CLTCL1: variants seen among roughly 807,000 people sequenced by gnomAD.
CLTCL1 encodes clathrin heavy chain 2.
CLTCL1 carries 159 observed loss-of-function variants against 190.0 expected under a neutral mutation model. The observed-to-expected ratio is 0.84, with a 90% confidence interval of 0.74 to 0.95. The LOEUF is 0.95. Ranked by LOEUF, CLTCL1 falls within the 40% of genes least tolerant of loss-of-function variation. The pLI is 0.00. For synonymous variants in CLTCL1, 752 were observed against 769.6 expected (o/e 0.98, Z 0.38); for missense variants, 1,878 against 2,033.4 (o/e 0.92, Z 1.47).
At chr22:19,252,227 A>T (rs1023018050) in intron 3 of CLTCL1, among the ~76,000 whole-genome samples, 2 of 152,064 alleles carry the variant, frequency 1.3e-5, no homozygotes, top group African/African-American at 4.8e-5. Context: ...GCATTTTTTC[A>T]ATTCCACTAT....
chr22:19,269,756 G>A (rs183030528), intron 2 of CLTCL1, among the ~76,000 whole-genome samples: 14 of 152,184 alleles, frequency 9.2e-5, no homozygotes, highest in Admixed American at 8.5e-4. Flanking sequence ...ACAGCGAGGG[G>A]AACAACACAC....
At chr22:19,193,253 G>A (rs567473432) in intron 26 of CLTCL1, among the ~76,000 whole-genome samples, 2 of 152,316 alleles carry the variant, frequency 1.3e-5, no homozygotes, top group East Asian at 3.9e-4. Flanking sequence ...CCTTTCAACA[G>A]GTCCATGCAG....
Position 19,289,461 on chromosome 22 carries a change from AGGG to A in CLTCL1, c.42+2136_42+2138del, listed in dbSNP as rs576529000. Among the ~76,000 whole-genome samples the A allele has an allele frequency of 2.2e-3, 340 of 152,332 alleles. 1 individual carries two copies. The highest frequency in any genetic ancestry group is 7.6e-3 in the African/African-American group (314 of 41,586). On this transcript the variant is annotated intron_variant, in intron 1 of 32. Coordinates refer to ENST00000427926, the MANE Select transcript of CLTCL1 (RefSeq NM_007098.4). ...TTGTAACCTTGGCAAAAACAGATTC[AGGG>A]GAAAAAATGGGGACAAAAGCCAGAC...
intron 27 of CLTCL1, among the ~76,000 whole-genome samples, chr22:19,189,441 C>G (rs1391284836): frequency 6.6e-6 from 1 of 152,250 alleles, no homozygotes; most frequent in Non-Finnish European, 1.5e-5. Context: ...ATGCACTATT[C>G]TAAATCCCCT....
At chr22:19,275,057 C>T (rs1340451079) in intron 2 of CLTCL1, among the ~76,000 whole-genome samples, 3 of 152,142 alleles carry the variant, frequency 2.0e-5, no homozygotes, top group African/African-American at 4.8e-5. Context: ...GTAAGTGATA[C>T]TGCATTTCAC....
chr22:19,246,472 C>CTTAT (rs1195656314), intron 3 of CLTCL1, among the ~76,000 whole-genome samples: 2 of 151,784 alleles, frequency 1.3e-5, no homozygotes, highest in Admixed American at 1.3e-4. Flanking sequence ...ATTGCCAACA[C>CTTAT]TTCTTTTCTT....
At chr22:19,283,737 A>G (rs1456160346) in intron 1 of CLTCL1, among the ~76,000 whole-genome samples, 6 of 151,598 alleles carry the variant, frequency 4.0e-5, no homozygotes, top group African/African-American at 1.5e-4. Context: ...CATGCCTGTA[A>G]TCCCAGCACT....
chr22:19,187,550 C>T lies in CLTCL1; in HGVS notation c.4605+8G>A. ...GAAGGTGGGAGGAAACGGGCCCAGG[C>T]CACCAACCTTGTAGAGATGATCCTT... On this transcript the variant is annotated splice_region_variant and intron_variant, in intron 29 of 32. Transcript: ENST00000427926. 1 of 1,601,894 alleles carries T rather than the reference C, an allele frequency of 6.2e-7. No individual in the cohort carries two copies. Among genetic ancestry groups the T allele is most frequent in the South Asian group, 1.1e-5 (1 of 90,864 alleles).
At chr22:19,274,109 T>C (rs527544948) in intron 2 of CLTCL1, among the ~76,000 whole-genome samples, 1 of 152,284 alleles carries the variant, frequency 6.6e-6, no homozygotes, top group African/African-American at 2.4e-5. Context: ...TGAGACCTGC[T>C]GAAAACACTA....
chr22:19,199,771 T>C lies in CLTCL1; in HGVS notation c.3836A>G (p.His1279Arg). Residue 1279 changes from histidine to arginine, a missense_variant, in exon 24 of 33, where the codon CAT (histidine) becomes CGT (arginine). Physicochemically the swap from His to Arg is conservative, Grantham distance 29. Coordinates refer to ENST00000427926, the MANE Select transcript of CLTCL1 (RefSeq NM_007098.4). ...AQLCGLHIVIHADELEELMCY... is the reference protein window; with the variant it reads ...AQLCGLHIVIRADELEELMCY... ...CATCAGCTCCTCCAGCTCATCTGCATGAATGACGATGTGAAGACCACACAG... is the reference window on the plus strand; with the variant it reads ...CATCAGCTCCTCCAGCTCATCTGCACGAATGACGATGTGAAGACCACACAG... 1 of 1,595,902 alleles carries C rather than the reference T, an allele frequency of 6.3e-7. No homozygotes were observed. The highest frequency in any genetic ancestry group is 8.5e-7 in the Non-Finnish European group (1 of 1,171,568).
At chr22:19,237,301 C>G (rs576170639) in intron 5 of CLTCL1, among the ~76,000 whole-genome samples, 1 of 151,946 alleles carries the variant, frequency 6.6e-6, no homozygotes, top group Non-Finnish European at 1.5e-5. Flanking sequence ...ATAGCAAGAC[C>G]CCATCTCTAC....
In CLTCL1 at chr22:19,198,947, T is replaced by C. The variant is rs1403845143; in HGVS notation, c.3873+787A>G. On this transcript the variant is annotated intron_variant, in intron 24 of 32. Coordinates refer to ENST00000427926, the MANE Select transcript of CLTCL1 (RefSeq NM_007098.4). This position sits in a 1 kb window ranked among gnomAD's most constrained non-coding sequence, Gnocchi z 4.1. ...ATCACCCTCCCTGTTGGCTTTCCAG[T>C]TCATTTCTCAGGCGCCTCTCTGGGG... Among the ~76,000 whole-genome samples, 1 of 152,144 alleles carries C rather than the reference T, an allele frequency of 6.6e-6. No individual in the cohort carries two copies. Among genetic ancestry groups the C allele is most frequent in the Non-Finnish European group, 1.5e-5 (1 of 68,026 alleles).
chr22:19,201,261 G>A (rs2084871038), intron 23 of CLTCL1, 68 bp downstream of exon 23: 3 of 1,510,806 alleles, frequency 2.0e-6, no homozygotes, highest in Non-Finnish European at 2.7e-6. Flanking sequence ...GTACCGAGCA[G>A]AACGCAAAGG....
chr22:19,196,224 G>A (rs1555935372), intron 26 of CLTCL1, 42 bp downstream of exon 26: 1 of 1,593,588 alleles, frequency 6.3e-7, no homozygotes, highest in East Asian at 2.2e-5. Flanking sequence ...AATAGGGCCT[G>A]GCAGAGGCTG....
At position 19,196,344 on chromosome 22, in the gene CLTCL1, A is replaced by T; in HGVS notation, c.4113T>A (p.Tyr1371Ter). The T allele has an allele frequency of 6.8e-6, 11 of 1,613,972 alleles. No individual in the cohort carries two copies. The highest frequency in any genetic ancestry group is 9.3e-6 in the Non-Finnish European group (11 of 1,179,878). Residue 1371 changes from tyrosine (Y) to a stop codon, truncating the protein, a stop_gained, in exon 26 of 33, where the codon TAT (tyrosine) becomes TAA (stop). Coordinates refer to ENST00000427926, the MANE Select transcript of CLTCL1 (RefSeq NM_007098.4). LOFTEE classifies it high-confidence loss of function. Reference protein sequence around the residue: ...LVFLYDKYEEYDNAVLTMMSH... With the variant: ...LVFLYDKYEE Reference sequence around the variant, plus strand: ...TCATCATGGTGAGCACAGCATTGTCATACTCCTCGTACTTGTCATAGAGGA... The same window carrying T: ...TCATCATGGTGAGCACAGCATTGTCTTACTCCTCGTACTTGTCATAGAGGA...
intron 2 of CLTCL1, among the ~76,000 whole-genome samples, chr22:19,273,407 A>G (rs2087388329): frequency 6.6e-6 from 1 of 152,152 alleles, no homozygotes; most frequent in African/African-American, 2.4e-5. Context: ...AGTGATCTAT[A>G]TGACCATTAA....
chr22:19,256,577 C>T (rs2086766383), intron 2 of CLTCL1, among the ~76,000 whole-genome samples: 1 of 151,946 alleles, frequency 6.6e-6, no homozygotes, highest in Non-Finnish European at 1.5e-5. Flanking sequence ...ACGCTGGTCT[C>T]AAACTCTTGA....
Position 19,201,383 on chromosome 22 carries a change from A to G in CLTCL1, c.3711T>C (p.Tyr1237=), listed in dbSNP as rs782365099. 6.2e-7 allele frequency: 1 copy of G among 1,613,720 alleles called. No homozygotes were observed. Among genetic ancestry groups the G allele is most frequent in the South Asian group, 1.1e-5 (1 of 91,078 alleles). ...TGCGGCTGTTGTCCACTGCTGCCTG[A>G]TACTCACCGAGGTGAACCAAGGTGG... ...LASTLVHLGE[Y]QAAVDNSRKA... is the part of the protein sequence containing the mutation. Residue 1237 remains tyrosine, a synonymous_variant, in exon 23 of 33, where the codon TAT becomes TAC. Coordinates refer to ENST00000427926, the MANE Select transcript of CLTCL1 (RefSeq NM_007098.4).
Position 19,187,615 on chromosome 22 carries a change from CT to C in CLTCL1, c.4547del (p.Lys1516ArgfsTer87). The C allele has an allele frequency of 6.2e-7, 1 of 1,613,604 alleles. No homozygotes were observed. Among genetic ancestry groups the C allele is most frequent in the Non-Finnish European group, 8.5e-7 (1 of 1,179,900 alleles). On this transcript the variant is annotated frameshift_variant, in exon 29 of 33. Coordinates refer to ENST00000427926, the MANE Select transcript of CLTCL1 (RefSeq NM_007098.4). LOFTEE classifies it high-confidence loss of function. ...EFRCIAAYLY[K>X]GNNWWAQSVE... ...CGCTCTGGGCCCACCAGTTATTGCC[CT>C]TGTACAGATAGGCCGCAATGCACCT...
Sources: gnomAD v4.1 joint callset for allele counts (sites outside exome capture counted in the v4.1 genomes callset) on GRCh38, gnomAD v4.1.1 for gene constraint, Gnocchi (gnomAD v3.1) non-coding constraint, MANE v1.5 for transcripts, NCBI Gene and HGNC (gene_info 2026-07-23, HGNC 2026-07-21) for gene names.